Variants in WDR41 observed in about 807,000 individuals in gnomAD.
The protein encoded by WDR41 is WD repeat-containing protein 41.
WDR41 carries 63 observed loss-of-function variants against 69.3 expected under a neutral mutation model. The observed-to-expected ratio is 0.91, with a 90% CI of 0.74 to 1.12. The LOEUF is 1.12. WDR41 is among the 50% of genes most tolerant of loss of function. The pLI is 0.00. For missense variants in WDR41, 543 were observed against 534.5 expected (o/e 1.02, Z -0.16); for synonymous variants, 185 against 192.1 (o/e 0.96, Z 0.31).
At chr5:77,574,169 G>A (rs1487500755) in intron 1 of WDR41, among the ~76,000 whole-genome samples, 2 of 151,988 alleles carry the variant, frequency 1.3e-5, no homozygotes, top group Non-Finnish European at 2.9e-5. Context: ...ATGGTGGCAC[G>A]TTCCTGTAAT....
At position 77,541,814 on chromosome 5, in the gene WDR41, T is replaced by C. The variant is rs368717464; in HGVS notation, c.43-52242A>G. Among the ~76,000 whole-genome samples the C allele has an allele frequency of 1.2e-4, 19 of 152,190 alleles. No homozygotes were observed. The East Asian group carries it at 2.1e-3, about 17-fold the overall frequency. ...GGCAGAAAAAGGAACACTTTTACAC[T>C]GTTGGTGGAAGTATATATTAGTTCA... On this transcript the variant is annotated intron_variant, in intron 1 of 5. Transcript: ENST00000509971.
chr5:77,481,869 T>C (rs527576595), intron 2 of WDR41, among the ~76,000 whole-genome samples: 5 of 152,188 alleles, frequency 3.3e-5, no homozygotes, highest in South Asian at 2.1e-4. Context: ...GATATGTTCA[T>C]GTTCATCTGT....
At chr5:77,512,062 A>G (rs1802211308) in intron 1 of WDR41, among the ~76,000 whole-genome samples, 1 of 152,164 alleles carries the variant, frequency 6.6e-6, no homozygotes, top group Non-Finnish European at 1.5e-5. Context: ...CAACAATATT[A>G]TGTCTTTATC....
intron 1 of WDR41, among the ~76,000 whole-genome samples, chr5:77,531,434 C>A (rs1270835748): frequency 4.0e-5 from 6 of 151,740 alleles, no homozygotes; most frequent in Non-Finnish European, 8.9e-5. Context: ...AAACACAAAT[C>A]AAAACCACAA....
At chr5:77,517,679 C>T (rs781114619) in intron 1 of WDR41, among the ~76,000 whole-genome samples, 4 of 145,150 alleles carry the variant, frequency 2.8e-5, no homozygotes, top group Admixed American at 6.8e-5. Flanking sequence ...AGGTAATTAG[C>T]GGAAAGAGAA....
chr5:77,518,835 T>C (rs1249099274), intron 1 of WDR41, among the ~76,000 whole-genome samples: 2 of 152,150 alleles, frequency 1.3e-5, no homozygotes, highest in South Asian at 4.1e-4. Flanking sequence ...TAAATATATA[T>C]GAGCAGTACA....
intron 1 of WDR41, among the ~76,000 whole-genome samples, chr5:77,603,457 G>T (rs1744361389): frequency 1.3e-5 from 2 of 152,150 alleles, no homozygotes; most frequent in African/African-American, 4.8e-5. Context: ...TGAGTTTCTT[G>T]TATGTGTTGG....
chr5:77,491,791 G>C, intron 1 of WDR41: 1 of 225,798 alleles, frequency 4.4e-6, no homozygotes, highest in Non-Finnish European at 8.6e-6. Flanking sequence ...CAACTCGTTC[G>C]TTTCTAGCTA....
intron 1 of WDR41, among the ~76,000 whole-genome samples, chr5:77,598,644 C>CTT (rs765785617): frequency 0.025 from 3,086 of 121,234 alleles, 184 homozygotes; most frequent in African/African-American, 0.081. Context: ...AGTAAGTTTC[C>CTT]TTTTTTTTTT....
At chr5:77,609,249 G>A (rs1744490601) in intron 1 of WDR41, among the ~76,000 whole-genome samples, 1 of 152,174 alleles carries the variant, frequency 6.6e-6, no homozygotes, top group Non-Finnish European at 1.5e-5. Context: ...CAAAAAGACA[G>A]CAGTAACCTC....
intron 1 of WDR41, among the ~76,000 whole-genome samples, chr5:77,515,134 T>A (rs1802273769): frequency 6.6e-6 from 1 of 152,172 alleles, no homozygotes; most frequent in South Asian, 2.1e-4. Flanking sequence ...TTTTTAATTT[T>A]AAAAAATTTT....
At chr5:77,475,109 G>A (rs992359468) in intron 2 of WDR41, among the ~76,000 whole-genome samples, 6 of 152,188 alleles carry the variant, frequency 3.9e-5, no homozygotes, top group Non-Finnish European at 5.9e-5. Context: ...CTTTTCCGAC[G>A]GGCTTAAAAA....
chr5:77,438,349 C>T lies in WDR41; in HGVS notation c.895G>A (p.Ala299Thr). ...TACACGTATAAACCCCTTCCAACTGCAGCAAATACATTCTAGGGGAAGAAG... is the reference window on the plus strand; with the variant it reads ...TACACGTATAAACCCCTTCCAACTGTAGCAAATACATTCTAGGGGAAGAAG... ...FTCDEENVFA[A>T]VGRGLYVYSL... Residue 299 changes from alanine to threonine, a missense_variant, in exon 10 of 13, where the codon GCA becomes ACA. By Grantham distance (58) the Ala-to-Thr change is moderately conservative (BLOSUM62 0). Transcript: ENST00000296679. 6.2e-7 allele frequency: 1 copy of T among 1,613,960 alleles called. No individual in the cohort carries two copies.
At position 77,436,328 on chromosome 5, in the gene WDR41, T is replaced by C. The variant is rs776651813; in HGVS notation, c.1160A>G (p.Gln387Arg). Residue 387 changes from glutamine (Q) to arginine (R), a missense_variant, in exon 12 of 13, where the codon CAA becomes CGA. Physicochemically the swap from Gln to Arg is conservative, Grantham distance 43. Transcript: ENST00000296679. ...CAGTGAACATGAAGTAGCATTTTCTTGCTGCTTTTTAACAGGTTGGCTGGC... is the reference window on the plus strand; with the variant it reads ...CAGTGAACATGAAGTAGCATTTTCTCGCTGCTTTTTAACAGGTTGGCTGGC... ...KQASQPVKKQ[Q>R]ENATSCSLEL... 1.2e-6 allele frequency: 2 copies of C among 1,614,166 alleles called. No individual in the cohort carries two copies. The highest frequency in any genetic ancestry group is 1.7e-5 in the Admixed American group (1 of 60,014).
chr5:77,565,480 A>C (rs60436694), intron 1 of WDR41, among the ~76,000 whole-genome samples: 40,696 of 151,872 alleles, frequency 0.27, 7,989 homozygotes, highest in African/African-American at 0.54. Flanking sequence ...GAGCCCCCTG[A>C]ATCATTCCAA....
rs754743172 is a variant in WDR41, at chr5:77,459,029, G to A, written c.411+33C>T. The A allele has an allele frequency of 1.6e-5, 24 of 1,459,276 alleles. No homozygotes were observed. In the East Asian group the frequency reaches 5.5e-4, roughly 34 times the overall value. 90.4% of individuals were successfully genotyped at this position (1,459,276 alleles called of 1,614,324 possible). ...ATGTCTTCTGAGACAAAAATAGATT[G>A]TCATAAAAACTCATATTTACTTAAG... On this transcript the variant is annotated intron_variant, in intron 5 of 12. Coordinates refer to ENST00000296679, the MANE Select transcript of WDR41 (RefSeq NM_018268.4).
intron 1 of WDR41, among the ~76,000 whole-genome samples, chr5:77,562,456 C>T (rs1322109600): frequency 6.6e-6 from 1 of 152,176 alleles, no homozygotes; most frequent in African/African-American, 2.4e-5. Context: ...GAATATTTAA[C>T]ACAAATACCG....
intron 9 of WDR41, 127 bp from the exon 10 acceptor site, chr5:77,438,488 A>G (rs1799035085): frequency 7.6e-7 from 1 of 1,322,420 alleles, no homozygotes; most frequent in South Asian, 1.5e-5. Context: ...TTTAGCCCAA[A>G]TTACAGTACT....
At chr5:77,580,280 C>T (rs1743912519) in intron 1 of WDR41, among the ~76,000 whole-genome samples, 1 of 152,078 alleles carries the variant, frequency 6.6e-6, no homozygotes. Context: ...AGAAAATTTA[C>T]AATCATGGCA....
Sources: allele counts gnomAD v4.1 joint callset (sites outside exome capture counted in the v4.1 genomes callset), GRCh38; gene constraint gnomAD v4.1.1; transcripts MANE v1.5; gene names NCBI Gene and HGNC (gene_info 2026-07-23, HGNC 2026-07-21).